Variants in CDH6 observed in about 807,000 individuals in gnomAD.
CDH6 encodes the protein cadherin-6.
A neutral mutation model predicts 78.0 loss-of-function variants in CDH6; 31 were observed. The observed-to-expected ratio is 0.40, with a 90% CI of 0.30 to 0.54. The LOEUF (loss-of-function observed/expected upper bound fraction) is 0.54, where lower values mean the gene tolerates loss of function less well. CDH6 is among the 20% of genes least tolerant of loss of function. CDH6 has a pLI of 0.56. For missense variants in CDH6, 724 were observed against 975.9 expected, an observed-to-expected ratio of 0.74 and a Z score of 3.44; for synonymous variants, 376 against 368.8, an observed-to-expected ratio of 1.02 and a Z score of -0.23.
At chr5:31,313,962 A>T (rs1738229751) in intron 8 of CDH6, among the ~76,000 whole-genome samples, 1 of 152,190 alleles carries the variant, frequency 6.6e-6, no homozygotes, top group South Asian at 2.1e-4. Flanking sequence ...TACCAAAGTG[A>T]GTAATACAAG....
chr5:31,242,659 C>T (rs190562082), intron 1 of CDH6, among the ~76,000 whole-genome samples: 176 of 150,820 alleles, frequency 1.2e-3, no homozygotes, highest in African/African-American at 3.9e-3. Context: ...TAGAACTAAA[C>T]TGCAGTCAAG....
chr5:31,254,450 G>C (rs1741996566), intron 1 of CDH6, among the ~76,000 whole-genome samples: 5 of 152,172 alleles, frequency 3.3e-5, no homozygotes, highest in Admixed American at 2.6e-4. Context: ...TAGTTTTGCT[G>C]TCTCATGTCA....
At chr5:31,221,446 A>G (rs1042842377) in intron 1 of CDH6, among the ~76,000 whole-genome samples, 3 of 152,232 alleles carry the variant, frequency 2.0e-5, no homozygotes, top group African/African-American at 7.2e-5. Context: ...CTTGGAATTA[A>G]GAGAGAAATC....
chr5:31,197,659 C>T (rs1054452960), intron 1 of CDH6, among the ~76,000 whole-genome samples: 82 of 152,278 alleles, frequency 5.4e-4, no homozygotes, highest in African/African-American at 1.8e-3. Context: ...TACACACACA[C>T]GCAAACACAG....
chr5:31,315,085 G>T (rs1175228037), intron 8 of CDH6, among the ~76,000 whole-genome samples: 1 of 152,086 alleles, frequency 6.6e-6, no homozygotes, highest in Non-Finnish European at 1.5e-5. Flanking sequence ...TATTCACATG[G>T]CTTAAACCTT....
chr5:31,267,826 A>C (rs1314767778), intron 2 of CDH6, 125 bp downstream of exon 2: 3 of 721,760 alleles, frequency 4.2e-6, no homozygotes, highest in African/African-American at 3.6e-5. Context: ...AACTGGTAAG[A>C]CTTTTTTTTT....
intron 2 of CDH6, among the ~76,000 whole-genome samples, chr5:31,279,125 C>T (rs1289028183): frequency 6.6e-6 from 1 of 152,170 alleles, no homozygotes; most frequent in Non-Finnish European, 1.5e-5. Flanking sequence ...CACCAACCTG[C>T]ATAGTTGAAA....
At chr5:31,223,146 T>A (rs1228750714) in intron 1 of CDH6, among the ~76,000 whole-genome samples, 1 of 152,216 alleles carries the variant, frequency 6.6e-6, no homozygotes, top group Admixed American at 6.5e-5. Flanking sequence ...TGTTGACTTA[T>A]GTACAAGTTC....
At chr5:31,240,274 T>G (rs1292066566) in intron 1 of CDH6, among the ~76,000 whole-genome samples, 1 of 152,194 alleles carries the variant, frequency 6.6e-6, no homozygotes, top group African/African-American at 2.4e-5. Context: ...TTCTATAGCA[T>G]TTATATATAT....
At position 31,294,438 on chromosome 5, in the gene CDH6, AT is replaced by A. The variant is rs1356990813; in HGVS notation, c.523+186del. On this transcript the variant is annotated intron_variant, in intron 3 of 11. Coordinates refer to ENST00000265071, the MANE Select transcript of CDH6 (RefSeq NM_004932.4). The surrounding 1 kb of genome is among the most constrained non-coding windows in gnomAD (Gnocchi z 4.1). ...ATTACTCTAGTCTCATTTTGTGATT[AT>A]TTTAAAAACCACATTTCCTCTAAAG... is the stretch of plus-strand genomic sequence containing the variant. 1.3e-5 allele frequency among the ~76,000 whole-genome samples: 2 copies of A among 152,330 alleles called. No homozygotes were observed. Among genetic ancestry groups the A allele is most frequent in the East Asian group, 3.9e-4 (2 of 5,184 alleles).
At chr5:31,274,029 G>A (rs115954558) in intron 2 of CDH6, among the ~76,000 whole-genome samples, 3,610 of 152,114 alleles carry the variant, frequency 0.024, 136 homozygotes, top group African/African-American at 0.083. Context: ...CACATCTCTC[G>A]TCTTCATCAT....
At chr5:31,271,202 CAAAT>C (rs1486364012) in intron 2 of CDH6, among the ~76,000 whole-genome samples, 1 of 152,056 alleles carries the variant, frequency 6.6e-6, no homozygotes, top group East Asian at 1.9e-4. Context: ...TATGATGACA[CAAAT>C]TAATTTGTGA....
Position 31,305,577 on chromosome 5 carries a change from C to T in CDH6, c.1253+150C>T. On this transcript the variant is annotated intron_variant, in intron 7 of 11. Coordinates refer to ENST00000265071, the MANE Select transcript of CDH6 (RefSeq NM_004932.4). ...AAACTATTCTAAACAGCACCTTTAA[C>T]TCTCTTTGCTCACTGCATAAATATT... The T allele has an allele frequency of 1.1e-5, 8 of 747,458 alleles. No individual in the cohort carries two copies. The South Asian group carries it at 1.5e-4, about 14-fold the overall frequency. The allele number at this position is 747,458 out of a possible 1,614,324, so 46.3% of individuals were successfully genotyped here.
intron 1 of CDH6, among the ~76,000 whole-genome samples, chr5:31,194,850 TTAGA>T (rs1252049104): frequency 6.6e-6 from 1 of 152,134 alleles, no homozygotes; most frequent in Non-Finnish European, 1.5e-5. Flanking sequence ...TCTTCCGTAG[TTAGA>T]TATTCTGTCA....
At chr5:31,234,972 G>A (rs1044650973) in intron 1 of CDH6, among the ~76,000 whole-genome samples, 8 of 152,138 alleles carry the variant, frequency 5.3e-5, no homozygotes, top group African/African-American at 1.9e-4. Context: ...TTATCCACAA[G>A]TGTGTAATAT....
chr5:31,322,867 T>C lies in CDH6; in HGVS notation c.1932T>C (p.Pro644=). The change falls in exon 12 of 12, where the codon CCT becomes CCC. Residue 644 remains proline (P), a synonymous_variant. Coordinates refer to ENST00000265071, the MANE Select transcript of CDH6 (RefSeq NM_004932.4). ...TGAGGCGGCAGCGAAAAAAAGAGCC[T>C]TTGATCATTTCCAAAGAGGACATCA... ...AALRRQRKKE[P]LIISKEDIRD... The C allele has an allele frequency of 1.2e-6, 2 of 1,614,108 alleles. No homozygotes were observed. Among genetic ancestry groups the C allele is most frequent in the Non-Finnish European group, 1.7e-6 (2 of 1,179,992 alleles).
intron 9 of CDH6, among the ~76,000 whole-genome samples, 174 bp downstream of exon 9, chr5:31,316,503 C>T (rs1346097521): frequency 1.3e-5 from 2 of 152,116 alleles, no homozygotes; most frequent in Non-Finnish European, 2.9e-5. Flanking sequence ...CTAACAGTTT[C>T]GAAGAACTGG....
At chr5:31,271,437 C>T (rs1239720064) in intron 2 of CDH6, among the ~76,000 whole-genome samples, 1 of 152,164 alleles carries the variant, frequency 6.6e-6, no homozygotes, top group Admixed American at 6.5e-5. Context: ...CCTTCCACTG[C>T]GTTCTGTTGC....
chr5:31,206,745 G>T (rs1265050637), intron 1 of CDH6, among the ~76,000 whole-genome samples: 1 of 152,108 alleles, frequency 6.6e-6, no homozygotes, highest in South Asian at 2.1e-4. Context: ...ATTCAGAATT[G>T]ATTATGTTTT....
Sources: gnomAD v4.1 joint callset for allele counts (sites outside exome capture counted in the v4.1 genomes callset) on GRCh38, gnomAD v4.1.1 for gene constraint, Gnocchi (gnomAD v3.1) non-coding constraint, MANE v1.5 for transcripts, NCBI Gene and HGNC (gene_info 2026-07-23, HGNC 2026-07-21) for gene names.